Variants in NXPE2 observed in about 807,000 individuals in gnomAD.
The protein encoded by NXPE2 is neurexophilin and PC-esterase domain family member 2.
Under a neutral mutation model 34.4 loss-of-function variants are expected in NXPE2, and 34 were observed. The ratio of observed to expected loss-of-function variants is 0.99; its 90% CI spans 0.75 to 1.31. The LOEUF (loss-of-function observed/expected upper bound fraction) is 1.31, where lower values mean the gene tolerates loss of function less well. Ranked by LOEUF, NXPE2 falls within the 40% of genes most tolerant of loss-of-function variation. The pLI is 0.00. For synonymous variants in NXPE2, 235 were observed against 231.3 expected (o/e 1.02, Z -0.15); for missense variants, 649 against 672.5 (o/e 0.97, Z 0.39).
At chr11:114,570,766 C>G in the NXPE2 span, 2 of 525,546 alleles carry the variant, frequency 3.8e-6, no homozygotes, top group South Asian at 6.5e-5. Context: ...AAGTGGAAGC[C>G]CAGATTAGAA....
Position 114,703,888 on chromosome 11 carries a change from G to A in NXPE2, c.867-103G>A, listed in dbSNP as rs1951420276. ...ATCTTAAATATATCAAAATAAGGGGGGAAAGGCATTTGGAGAAGAGAGGTT... is the reference window on the plus strand; with the variant it reads ...ATCTTAAATATATCAAAATAAGGGGAGAAAGGCATTTGGAGAAGAGAGGTT... On this transcript the variant is annotated intron_variant, in intron 3 of 5. Coordinates refer to ENST00000389586, the MANE Select transcript of NXPE2 (RefSeq NM_182495.6). The A allele has an allele frequency of 1.1e-5, 9 of 805,616 alleles. No homozygotes were observed. The Admixed American group carries it at 1.3e-4, about 12-fold the overall frequency. The allele number at this position is 805,616 out of a possible 1,614,324, so 49.9% of individuals were successfully genotyped here.
At chr11:114,689,290 A>G (rs935193976) in intron 2 of NXPE2, among the ~76,000 whole-genome samples, 4 of 151,670 alleles carry the variant, frequency 2.6e-5, no homozygotes, top group Admixed American at 2.6e-4. Context: ...TTTTGTCTCT[A>G]TTTTCATTTG....
At chr11:114,792,257 C>G in the NXPE2 span, among the ~76,000 whole-genome samples, 1 of 151,976 alleles carries the variant, frequency 6.6e-6, no homozygotes, top group Non-Finnish European at 1.5e-5. Context: ...CAGTTCTTGC[C>G]CCGTATTAAA....
the NXPE2 span, among the ~76,000 whole-genome samples, chr11:114,600,253 G>C: frequency 6.6e-6 from 1 of 152,154 alleles, no homozygotes; most frequent in South Asian, 2.1e-4. Context: ...AACATAACCA[G>C]TAAGAAGACA....
At chr11:114,622,698 CT>C in the NXPE2 span, among the ~76,000 whole-genome samples, 1 of 151,206 alleles carries the variant, frequency 6.6e-6, no homozygotes, top group Non-Finnish European at 1.5e-5. Flanking sequence ...TGGTTAACCC[CT>C]TTTCCCGGTG....
At chr11:114,636,871 GT>G in the NXPE2 span, among the ~76,000 whole-genome samples, 2 of 151,986 alleles carry the variant, frequency 1.3e-5, no homozygotes, top group Non-Finnish European at 2.9e-5. Context: ...CTGAGGAGAG[GT>G]TTATTTCCAA....
At chr11:114,521,826 G>A in the NXPE2 span, 1 of 635,566 alleles carries the variant, frequency 1.6e-6, no homozygotes, top group African/African-American at 1.8e-5. Context: ...AGTTGTCATT[G>A]TCCTTACATA....
At chr11:114,679,604 C>A in intron 1 of NXPE2, 53 bp from the exon 2 acceptor site, 1 of 1,112,840 alleles carries the variant, frequency 9.0e-7, no homozygotes, top group Non-Finnish European at 1.3e-6. Flanking sequence ...TGTACGGAGC[C>A]ATGTCGTACT....
chr11:114,698,074 C>A lies in NXPE2; in HGVS notation c.162C>A (p.Ile54=). Residue 54 remains isoleucine (I), a synonymous_variant, in exon 3 of 6, where the codon ATC becomes ATA. Transcript: ENST00000389586. The part of the protein sequence containing the change: ...KFSFNLENHI[I]LNQGNIFKKY... ...CGTTCAACTTGGAAAACCATATTAT[C>A]CTGAACCAAGGGAACATCTTCAAAA... The A allele has an allele frequency of 6.3e-7, 1 of 1,577,978 alleles. No homozygotes were observed. The highest frequency in any genetic ancestry group is 1.2e-5 in the South Asian group (1 of 86,316).
At chr11:114,601,400 T>A in the NXPE2 span, among the ~76,000 whole-genome samples, 8 of 140,818 alleles carry the variant, frequency 5.7e-5, no homozygotes, top group South Asian at 1.7e-3. Context: ...GTTCCATCCG[T>A]GTTGCTGCAA....
the NXPE2 span, among the ~76,000 whole-genome samples, chr11:114,471,787 G>A: frequency 2.0e-5 from 3 of 152,166 alleles, no homozygotes; most frequent in African/African-American, 4.8e-5. Context: ...TAATCAGCCT[G>A]TACAAAATCT....
the NXPE2 span, among the ~76,000 whole-genome samples, chr11:114,478,223 G>A: frequency 5.9e-5 from 9 of 152,170 alleles, no homozygotes; most frequent in East Asian, 1.9e-4. Context: ...TCTCTGTGAC[G>A]GGGAGGTAGT....
chr11:114,683,169 A>G (rs1950978060), intron 2 of NXPE2, among the ~76,000 whole-genome samples: 1 of 152,066 alleles, frequency 6.6e-6, no homozygotes, highest in Non-Finnish European at 1.5e-5. Context: ...TTTTTAAAAT[A>G]AATCCTCTTA....
the NXPE2 span, among the ~76,000 whole-genome samples, chr11:114,808,453 TAATA>T: frequency 4.0e-5 from 5 of 124,846 alleles, no homozygotes; most frequent in Admixed American, 1.8e-4. Context: ...CTAGCAAGAC[TAATA>T]AAGAAGAAAA....
chr11:114,792,695 C>T, the NXPE2 span, among the ~76,000 whole-genome samples: 3 of 152,194 alleles, frequency 2.0e-5, no homozygotes, highest in East Asian at 5.8e-4. Flanking sequence ...TTGGGAGAGG[C>T]TTCAAAAACA....
At chr11:114,674,074 T>C (rs1950830256), upstream of NXPE2, among the ~76,000 whole-genome samples, 1 of 147,720 alleles carries the variant, frequency 6.8e-6, no homozygotes. Flanking sequence ...CTCCAGGGGC[T>C]GGTGGACATT....
chr11:114,787,366 CTG>C, the NXPE2 span, among the ~76,000 whole-genome samples: 27 of 152,286 alleles, frequency 1.8e-4, no homozygotes, highest in African/African-American at 6.5e-4. Flanking sequence ...GTTCCCTCCT[CTG>C]TGGCGTGGGG....
chr11:114,728,155 C>T, the NXPE2 span, among the ~76,000 whole-genome samples: 7 of 152,160 alleles, frequency 4.6e-5, no homozygotes, highest in Admixed American at 6.6e-5. Context: ...ACATCTCTCA[C>T]TATAAGCCTT....
the NXPE2 span, among the ~76,000 whole-genome samples, chr11:114,622,728 G>A: frequency 3.4e-4 from 51 of 151,514 alleles, 1 homozygote; most frequent in South Asian, 4.8e-3. Context: ...GTGTTCCCTC[G>A]TGTGTAACCA....
Sources: gnomAD v4.1 joint callset for allele counts (sites outside exome capture counted in the v4.1 genomes callset) on GRCh38, gnomAD v4.1.1 for gene constraint, MANE v1.5 for transcripts, NCBI Gene and HGNC (gene_info 2026-07-23, HGNC 2026-07-21) for gene names.